TARS1: variants seen among roughly 807,000 people sequenced by gnomAD.
The protein encoded by TARS1 is threonyl-tRNA synthetase 1.
Under a neutral mutation model 97.7 loss-of-function variants are expected in TARS1, and 57 were observed. The ratio of observed to expected loss-of-function variants is 0.58; its 90% CI spans 0.47 to 0.73. The LOEUF (loss-of-function observed/expected upper bound fraction) is 0.73. TARS1 is among the 30% of genes least tolerant of loss of function. TARS1 has a pLI of 0.00. For synonymous variants in TARS1, 312 were observed against 293.7 expected (o/e 1.06, Z -0.64); for missense variants, 806 against 888.3 (o/e 0.91, Z 1.18).
chr5:33,451,222 C>T (rs1307711333), intron 3 of TARS1, among the ~76,000 whole-genome samples: 2 of 152,082 alleles, frequency 1.3e-5, no homozygotes, highest in Non-Finnish European at 2.9e-5. Context: ...TTACAAAAGT[C>T]CAGAATAACT....
In TARS1 at chr5:33,463,762, G is replaced by T. The variant is rs1422721263; in HGVS notation, c.1845G>T (p.Trp615Cys). ...TENYGGKWPF[W>C]LSPRQVMVVP... is the part of the protein sequence containing the mutation. ...TTATTCTCTTCCAAAGGCCCTTTTG[G>T]CTGTCCCCTCGCCAGGTAATGGTAG... The change falls in exon 17 of 19, where the codon TGG becomes TGT. Residue 615 changes from tryptophan (W) to cysteine (C), a missense_variant. Physicochemically the swap from Trp to Cys is radical, Grantham distance 215. Around this residue, in one of 3 missense-constraint regions of TARS1, gnomAD observed 446 missense variants for 511.0 expected, o/e 0.87. Coordinates refer to ENST00000265112, the MANE Select transcript of TARS1 (RefSeq NM_152295.5). 2 of 1,611,712 alleles carry T rather than the reference G, an allele frequency of 1.2e-6. No individual in the cohort carries two copies. The highest frequency in any genetic ancestry group is 2.2e-5 in the South Asian group (2 of 90,480).
intron 11 of TARS1, 155 bp downstream of exon 11, chr5:33,460,016 A>T: frequency 2.7e-5 from 16 of 601,154 alleles, no homozygotes; most frequent in Non-Finnish European, 3.6e-5. Context: ...TCTGCACCTG[A>T]TTAGATCCCC....
In TARS1 at chr5:33,457,342, T is replaced by C; in HGVS notation, c.923T>C (p.Leu308Ser). Reference protein sequence around the residue: ...YGISFPDPKMLKEWEKFQEEA... With the variant: ...YGISFPDPKMSKEWEKFQEEA... ...ATTTCATTCCCAGATCCTAAAATGTTGAAAGAGTGGGAGAAGTTCCAAGAG... is the reference window on the plus strand; with the variant it reads ...ATTTCATTCCCAGATCCTAAAATGTCGAAAGAGTGGGAGAAGTTCCAAGAG... Residue 308 changes from leucine (L) to serine (S), a missense_variant, in exon 9 of 19, where the codon TTG becomes TCG. Physicochemically the swap from Leu to Ser is moderately radical, Grantham distance 145. Transcript: ENST00000265112. 6.2e-7 allele frequency: 1 copy of C among 1,614,152 alleles called. No homozygotes were observed. Among genetic ancestry groups the C allele is most frequent in the Non-Finnish European group, 8.5e-7 (1 of 1,180,008 alleles).
At chr5:33,447,679 G>T (rs1468973616) in intron 2 of TARS1, among the ~76,000 whole-genome samples, 2 of 152,182 alleles carry the variant, frequency 1.3e-5, no homozygotes, top group African/African-American at 4.8e-5. Flanking sequence ...AATCTGTATT[G>T]CAGTAAGTCA....
At chr5:33,443,182 G>A (rs1172309788) in intron 1 of TARS1, among the ~76,000 whole-genome samples, 1 of 152,132 alleles carries the variant, frequency 6.6e-6, no homozygotes, top group Non-Finnish European at 1.5e-5. Flanking sequence ...GTTCCAGAGA[G>A]ACCTGTTGTA....
At chr5:33,450,408 G>A (rs901485506) in intron 3 of TARS1, among the ~76,000 whole-genome samples, 1 of 152,120 alleles carries the variant, frequency 6.6e-6, no homozygotes, top group Non-Finnish European at 1.5e-5. Context: ...AACCAGTTAG[G>A]CCTATGAGCC....
In TARS1 at chr5:33,441,106, G is replaced by A; in HGVS notation, c.20G>A (p.Ser7Asn). Residue 7 changes from serine to asparagine, a missense_variant, in exon 1 of 19, where the codon AGC (serine) becomes AAC (asparagine). Ser to Asn is a conservative substitution (Grantham distance 46). Around this residue, in one of 3 missense-constraint regions of TARS1, gnomAD observed 356 missense variants for 357.8 expected, o/e 0.99. Transcript: ENST00000265112. MFEEKA[S>N]SPSGKMGGEE... ...TCGCCAATGTTTGAGGAGAAGGCCA[G>A]CAGTCCTTCAGGGAAGATGGGAGGC... The A allele has an allele frequency of 6.2e-7, 1 of 1,614,242 alleles. No individual in the cohort carries two copies. The highest frequency in any genetic ancestry group is 8.5e-7 in the Non-Finnish European group (1 of 1,180,046).
chr5:33,465,424 G>T (rs1227071815), intron 17 of TARS1, among the ~76,000 whole-genome samples: 1 of 152,204 alleles, frequency 6.6e-6, no homozygotes, highest in Non-Finnish European at 1.5e-5. Context: ...CTATAGAGCA[G>T]ACATGTTAAA....
Position 33,459,614 on chromosome 5 carries a change from A to G in TARS1, c.1084-81A>G, listed in dbSNP as rs184977036. On this transcript the variant is annotated intron_variant, in intron 10 of 18. Coordinates refer to ENST00000265112, the MANE Select transcript of TARS1 (RefSeq NM_152295.5). ...TCCATCTTTTTCATGAGAGAGTATA[A>G]AATCACTCTTTAAGTTTTTACTCCC... The G allele has an allele frequency of 1.5e-5, 23 of 1,500,688 alleles. No individual in the cohort carries two copies. In the East Asian group the frequency reaches 5.0e-4, roughly 33 times the overall value. The allele number at this position is 1,500,688 out of a possible 1,614,324, so 93.0% of individuals were successfully genotyped here.
intron 17 of TARS1, among the ~76,000 whole-genome samples, chr5:33,464,642 ATGGAGATGCATACCTGTAGTCCC>A (rs1742447400): frequency 6.6e-6 from 1 of 152,216 alleles, no homozygotes; most frequent in South Asian, 2.1e-4. Flanking sequence ...GAACTTGAGC[ATGGAGATGCATACCTGTAGTCCC>A]AGCTACTTAG....
intron 1 of TARS1, among the ~76,000 whole-genome samples, chr5:33,445,001 T>G (rs1358603663): frequency 1.3e-5 from 2 of 152,152 alleles, no homozygotes; most frequent in Non-Finnish European, 2.9e-5. Context: ...ATCAACTGCG[T>G]GCTTCCTTGT....
intron 3 of TARS1, chr5:33,452,402 C>A (rs902251040): frequency 6.5e-7 from 1 of 1,535,220 alleles, no homozygotes; most frequent in African/African-American, 1.4e-5. Flanking sequence ...TGTGGCCATT[C>A]CCTCATCTGG....
In TARS1 at chr5:33,441,009, C is replaced by A; in HGVS notation, c.-78C>A. ...GCCGAGGCCAAGTCCCGGGCGCTAGCCCACCTCCCACCCGCCTCTTGGCTC... is the reference window on the plus strand; with the variant it reads ...GCCGAGGCCAAGTCCCGGGCGCTAGACCACCTCCCACCCGCCTCTTGGCTC... On this transcript the variant is annotated 5_prime_UTR_variant, in exon 1 of 19. Transcript: ENST00000265112. The A allele has an allele frequency of 6.3e-7, 1 of 1,586,802 alleles. No homozygotes were observed. Among genetic ancestry groups the A allele is most frequent in the South Asian group, 1.1e-5 (1 of 89,900 alleles).
At chr5:33,445,889 C>T (rs1359083303) in intron 2 of TARS1, among the ~76,000 whole-genome samples, 1 of 152,182 alleles carries the variant, frequency 6.6e-6, no homozygotes, top group Non-Finnish European at 1.5e-5. Flanking sequence ...CCCTTAAGGC[C>T]TCTCAAGTCT....
chr5:33,465,670 G>A (rs1742496461), intron 17 of TARS1, among the ~76,000 whole-genome samples: 1 of 152,186 alleles, frequency 6.6e-6, no homozygotes, highest in African/African-American at 2.4e-5. Context: ...TAAAAATCTA[G>A]TTAAAATGCT....
rs962875535 is a variant in TARS1, at chr5:33,453,182, A to G, written c.330-107A>G. The G allele has an allele frequency of 4.1e-5, 52 of 1,263,088 alleles. No homozygotes were observed. The African/African-American group carries it at 7.2e-4, about 17-fold the overall frequency. 78.2% of individuals were successfully genotyped at this position (1,263,088 alleles called of 1,614,324 possible). On this transcript the variant is annotated intron_variant, in intron 3 of 18. Coordinates refer to ENST00000265112, the MANE Select transcript of TARS1 (RefSeq NM_152295.5). ...TTCAGAAAAATAGAGATACATCAAT[A>G]TAAAAAAACAATATATAATAAAAAT...
rs897093508 is a variant in TARS1 at position 33,467,878 on chromosome 5, A to G, written c.*170A>G. On this transcript the variant is annotated 3_prime_UTR_variant, in exon 19 of 19. Coordinates refer to ENST00000265112, the MANE Select transcript of TARS1 (RefSeq NM_152295.5). ...TTTTGACCTAGTCAGTTTTTAAACA[A>G]TGTGCATTTGAAGGAGTTAATTAAA... 3 of 604,026 alleles carry G rather than the reference A, an allele frequency of 5.0e-6. No homozygotes were observed. Among genetic ancestry groups the G allele is most frequent in the Admixed American group, 3.7e-5 (1 of 26,886 alleles). The allele number at this position is 604,026 out of a possible 1,614,324, so 37.4% of individuals were successfully genotyped here. A position where few individuals can be genotyped will look rare whatever the true frequency, so the allele number is the denominator to read the frequency against.
At position 33,441,155 on chromosome 5, in the gene TARS1, T is replaced by A; in HGVS notation, c.57+12T>A. On this transcript the variant is annotated intron_variant, in intron 1 of 18. Coordinates refer to ENST00000265112, the MANE Select transcript of TARS1 (RefSeq NM_152295.5). ...GCGAGGAGAAGCCGGTGAGCAAACTTGGTGGGACCCAGAGACCAGCCTGGG... is the reference window on the plus strand; with the variant it reads ...GCGAGGAGAAGCCGGTGAGCAAACTAGGTGGGACCCAGAGACCAGCCTGGG... 6.2e-7 allele frequency: 1 copy of A among 1,613,990 alleles called. No individual in the cohort carries two copies. Among genetic ancestry groups the A allele is most frequent in the Non-Finnish European group, 8.5e-7 (1 of 1,179,970 alleles).
Position 33,453,172 on chromosome 5 carries a change from A to T in TARS1, c.330-117A>T, listed in dbSNP as rs1741828729. The T allele has an allele frequency of 3.3e-6, 4 of 1,204,504 alleles. No individual in the cohort carries two copies. In the African/African-American group the frequency reaches 4.7e-5, roughly 14 times the overall value. 74.6% of individuals were successfully genotyped at this position (1,204,504 alleles called of 1,614,324 possible). ...ATCATTATATTTCAGAAAAATAGAG[A>T]TACATCAATATAAAAAAACAATATA... On this transcript the variant is annotated intron_variant, in intron 3 of 18. Coordinates refer to ENST00000265112, the MANE Select transcript of TARS1 (RefSeq NM_152295.5).
Sources: allele counts gnomAD v4.1 joint callset (sites outside exome capture counted in the v4.1 genomes callset), GRCh38; gene constraint gnomAD v4.1.1; regional missense constraint gnomAD v4.1.1; transcripts MANE v1.5; gene names NCBI Gene and HGNC (gene_info 2026-07-23, HGNC 2026-07-21).